The following PRKD1 variants were observed in gnomAD, a reference collection of about 807,000 sequenced individuals.
PRKD1 encodes the protein protein kinase D1.
PRKD1 carries 63 observed loss-of-function variants against 95.9 expected under a neutral mutation model. That is an observed-to-expected ratio of 0.66 (90% CI 0.54 to 0.81). PRKD1 has a LOEUF of 0.81. Ranked by LOEUF, PRKD1 falls within the 30% of genes least tolerant of loss-of-function variation. The pLI, the probability that PRKD1 is intolerant of heterozygous loss-of-function variation, is 0.00. For missense variants in PRKD1, 1,048 were observed against 1,165.3 expected (o/e 0.90, Z 1.47); for synonymous variants, 425 against 423.1 (o/e 1.00, Z -0.05).
chr14:29,609,726 T>C (rs2139044366), intron 13 of PRKD1, among the ~76,000 whole-genome samples: 1 of 148,534 alleles, frequency 6.7e-6, no homozygotes, highest in African/African-American at 2.5e-5. Context: ...TTTTTTTTTT[T>C]TTTTGTACTT....
chr14:29,644,604 A>G (rs1594390280), intron 4 of PRKD1, among the ~76,000 whole-genome samples: 1 of 152,102 alleles, frequency 6.6e-6, no homozygotes, highest in East Asian at 1.9e-4. Context: ...AAAAAAATTT[A>G]AAAACTTTGT....
intron 1 of PRKD1, among the ~76,000 whole-genome samples, chr14:29,793,421 CA>C (rs1395284945): frequency 6.6e-6 from 1 of 152,050 alleles, no homozygotes; most frequent in Non-Finnish European, 1.5e-5. Flanking sequence ...TTAAAGAAAA[CA>C]AAAGCCACTA....
chr14:29,600,755 T>A (rs1893486555), intron 13 of PRKD1, among the ~76,000 whole-genome samples: 1 of 152,152 alleles, frequency 6.6e-6, no homozygotes, highest in African/African-American at 2.4e-5. Flanking sequence ...GTAAGCAGCA[T>A]TTTGCTTGAC....
intron 2 of PRKD1, among the ~76,000 whole-genome samples, chr14:29,705,319 A>G (rs1417676342): frequency 6.6e-6 from 1 of 151,998 alleles, no homozygotes; most frequent in Non-Finnish European, 1.5e-5. Flanking sequence ...CTGCAAAAGT[A>G]ATTGCGGTTT....
chr14:29,692,642 G>A (rs1884301314), intron 2 of PRKD1, among the ~76,000 whole-genome samples: 1 of 151,834 alleles, frequency 6.6e-6, no homozygotes. Flanking sequence ...TGTATTACAG[G>A]AAACATTATG....
chr14:29,736,760 A>T (rs769019371), intron 1 of PRKD1, among the ~76,000 whole-genome samples: 10 of 152,202 alleles, frequency 6.6e-5, no homozygotes, highest in South Asian at 2.1e-4. Context: ...TGCTGTGTGT[A>T]TCATTTGGCA....
chr14:29,756,862 T>C (rs1456263884), intron 1 of PRKD1, among the ~76,000 whole-genome samples: 1 of 152,230 alleles, frequency 6.6e-6, no homozygotes, highest in East Asian at 1.9e-4. Context: ...CAGTTAGCTA[T>C]TCTCAACTTT....
intron 1 of PRKD1, among the ~76,000 whole-genome samples, chr14:29,784,910 C>T (rs1889199399): frequency 6.6e-6 from 1 of 152,164 alleles, no homozygotes; most frequent in Non-Finnish European, 1.5e-5. Context: ...TGATAAACAA[C>T]TGTAGACTTT....
At chr14:29,598,065 C>T (rs947716612) in intron 15 of PRKD1, among the ~76,000 whole-genome samples, 17 of 151,058 alleles carry the variant, frequency 1.1e-4, no homozygotes, top group African/African-American at 3.7e-4. Flanking sequence ...TGCTTGAGGA[C>T]AGGAGTTCAA....
chr14:29,777,100 A>AT (rs1483949362), intron 1 of PRKD1, among the ~76,000 whole-genome samples: 3 of 152,232 alleles, frequency 2.0e-5, no homozygotes, highest in Admixed American at 2.0e-4. Flanking sequence ...ATGCTGAGAG[A>AT]TTTTGTCACC....
At chr14:29,606,175 G>C (rs541905451) in intron 13 of PRKD1, among the ~76,000 whole-genome samples, 3 of 152,064 alleles carry the variant, frequency 2.0e-5, no homozygotes, top group Admixed American at 2.0e-4. Flanking sequence ...ACCATGCCTG[G>C]CTAATTTTTG....
chr14:29,715,073 T>A (rs1360340782), intron 2 of PRKD1, among the ~76,000 whole-genome samples: 1 of 152,048 alleles, frequency 6.6e-6, no homozygotes, highest in Non-Finnish European at 1.5e-5. Flanking sequence ...CAAACCTGCA[T>A]GTTCTGCACA....
chr14:29,853,217 GATC>G (rs1327621972), intron 1 of PRKD1, among the ~76,000 whole-genome samples: 1 of 152,112 alleles, frequency 6.6e-6, no homozygotes, highest in African/African-American at 2.4e-5. Flanking sequence ...CCTAATAATA[GATC>G]ATCAAATTAT....
chr14:29,841,863 C>T (rs778496015), intron 1 of PRKD1, among the ~76,000 whole-genome samples: 8 of 151,868 alleles, frequency 5.3e-5, no homozygotes, highest in Non-Finnish European at 1.0e-4. Context: ...ACATGAAACA[C>T]AAACACATTG....
intron 2 of PRKD1, among the ~76,000 whole-genome samples, chr14:29,672,280 G>T (rs1882896414): frequency 6.6e-6 from 1 of 151,924 alleles, no homozygotes; most frequent in African/African-American, 2.4e-5. Context: ...GGCAGAGCTT[G>T]CAGTGAGCCG....
At chr14:29,776,951 A>G (rs1594508313) in intron 1 of PRKD1, among the ~76,000 whole-genome samples, 1 of 152,344 alleles carries the variant, frequency 6.6e-6, no homozygotes, top group South Asian at 2.1e-4. Flanking sequence ...ATCTCTCTGC[A>G]GAAACCCTAC....
chr14:29,854,877 G>A (rs113560367), intron 1 of PRKD1, among the ~76,000 whole-genome samples: 2,131 of 152,262 alleles, frequency 0.014, 38 homozygotes, highest in South Asian at 0.093. Flanking sequence ...AGCTTGGGCC[G>A]TGGCTTCAGA....
chr14:29,884,558 A>G (rs931676588), intron 1 of PRKD1, among the ~76,000 whole-genome samples: 3 of 152,236 alleles, frequency 2.0e-5, no homozygotes, highest in African/African-American at 7.2e-5. Flanking sequence ...TATAAAAATG[A>G]TATAAAACTA....
At chr14:29,653,328 G>T (rs1370166228) in intron 4 of PRKD1, among the ~76,000 whole-genome samples, 1 of 152,068 alleles carries the variant, frequency 6.6e-6, no homozygotes, top group East Asian at 1.9e-4. Context: ...AAAAGATTAG[G>T]CTAGAAGCAT....
Sources: allele counts gnomAD v4.1 joint callset (sites outside exome capture counted in the v4.1 genomes callset), GRCh38; gene constraint gnomAD v4.1.1; transcripts MANE v1.5; gene names NCBI Gene and HGNC (gene_info 2026-07-23, HGNC 2026-07-21).